The following ZNF678 variants were observed in gnomAD, a reference collection of about 807,000 sequenced individuals.
ZNF678 encodes zinc finger protein 678, also known as hypothetical protein MGC42493.
ZNF678 carries 5 observed loss-of-function variants against 3.0 expected under a neutral mutation model. The ratio of observed to expected loss-of-function variants is 1.69; its 90% CI spans 0.88 to 3.56. The LOEUF is 3.56. Ranked by LOEUF, ZNF678 falls within the 30% of genes most tolerant of loss-of-function variation. The pLI is 0.00. For missense variants in ZNF678, 593 were observed against 605.0 expected, an observed-to-expected ratio of 0.98 and a Z score of 0.21; for synonymous variants, 218 against 199.6, an observed-to-expected ratio of 1.09 and a Z score of -0.78.
At chr1:227,648,344 G>C (rs954781742) in intron 2 of ZNF678, among the ~76,000 whole-genome samples, 9 of 152,050 alleles carry the variant, frequency 5.9e-5, no homozygotes, top group Non-Finnish European at 1.2e-4. Flanking sequence ...ATTTGTGTGT[G>C]TAACAACTCT....
chr1:227,621,870 A>T (rs77433930), intron 1 of ZNF678, among the ~76,000 whole-genome samples: 2,293 of 152,296 alleles, frequency 0.015, 57 homozygotes, highest in African/African-American at 0.052. Context: ...CACCATCAAC[A>T]TTAATTAAAA....
At chr1:227,592,200 T>A (rs746324827) in intron 1 of ZNF678, among the ~76,000 whole-genome samples, 15 of 152,208 alleles carry the variant, frequency 9.9e-5, no homozygotes, top group Non-Finnish European at 2.1e-4. Context: ...TATGCGGGGA[T>A]TTTCACAGAG....
chr1:227,678,190 T>TG (rs1345010295), downstream of ZNF678, among the ~76,000 whole-genome samples: 1 of 152,152 alleles, frequency 6.6e-6, no homozygotes, highest in African/African-American at 2.4e-5. Context: ...TATAAACGCC[T>TG]GGGTCGAATT....
At chr1:227,625,710 T>C (rs539455718) in intron 1 of ZNF678, among the ~76,000 whole-genome samples, 30 of 152,112 alleles carry the variant, frequency 2.0e-4, no homozygotes, top group African/African-American at 6.7e-4. Flanking sequence ...TCATGTAGTT[T>C]TGAGAGGTCT....
intron 1 of ZNF678, among the ~76,000 whole-genome samples, chr1:227,606,552 A>T (rs1488205371): frequency 6.6e-6 from 1 of 152,196 alleles, no homozygotes; most frequent in East Asian, 1.9e-4. Flanking sequence ...CTCTTATTTC[A>T]GCCGCAAAGA....
At chr1:227,609,607 A>T (rs1165119450) in intron 1 of ZNF678, among the ~76,000 whole-genome samples, 1 of 152,234 alleles carries the variant, frequency 6.6e-6, no homozygotes, top group East Asian at 1.9e-4. Context: ...CGATTCAATA[A>T]CTACATTAAA....
chr1:227,640,424 A>C (rs1658791039), intron 1 of ZNF678, among the ~76,000 whole-genome samples: 1 of 151,916 alleles, frequency 6.6e-6, no homozygotes, highest in Non-Finnish European at 1.5e-5. Context: ...CTAATGAGGA[A>C]AAAGAGGTAG....
At chr1:227,628,179 A>G (rs1223140637) in intron 1 of ZNF678, among the ~76,000 whole-genome samples, 9 of 152,346 alleles carry the variant, frequency 5.9e-5, no homozygotes, top group African/African-American at 1.9e-4. Context: ...TGCTGCCACT[A>G]CCTGTAAACA....
At chr1:227,613,498 G>A (rs181530075) in intron 1 of ZNF678, among the ~76,000 whole-genome samples, 169 of 152,294 alleles carry the variant, frequency 1.1e-3, no homozygotes, top group African/African-American at 3.8e-3. Flanking sequence ...ATTTCACCTC[G>A]AGATGTGGCA....
chr1:227,594,385 T>C (rs1472540196), intron 1 of ZNF678, among the ~76,000 whole-genome samples: 1 of 152,210 alleles, frequency 6.6e-6, no homozygotes, highest in Admixed American at 6.5e-5. Context: ...TATGGACTCT[T>C]TTTAACCTTT....
At chr1:227,607,362 A>C (rs1230145974) in intron 1 of ZNF678, among the ~76,000 whole-genome samples, 1 of 152,188 alleles carries the variant, frequency 6.6e-6, no homozygotes, top group African/African-American at 2.4e-5. Context: ...ACAACTTCAT[A>C]CCTACCACTC....
At chr1:227,631,140 C>T (rs1658538802) in intron 1 of ZNF678, among the ~76,000 whole-genome samples, 1 of 152,040 alleles carries the variant, frequency 6.6e-6, no homozygotes, top group South Asian at 2.1e-4. Flanking sequence ...GGAACGTTTC[C>T]CATCTGAAAA....
chr1:227,662,985 A>G (rs1659441058), downstream of ZNF678, among the ~76,000 whole-genome samples: 1 of 152,194 alleles, frequency 6.6e-6, no homozygotes, highest in Admixed American at 6.6e-5. Flanking sequence ...TTATAGAGGT[A>G]ATTAAGGTTA....
intron 1 of ZNF678, chr1:227,598,542 T>A: frequency 9.1e-7 from 1 of 1,096,126 alleles, no homozygotes; most frequent in Non-Finnish European, 1.3e-6. Context: ...ACTGCTTTTC[T>A]TCTTTTTTGC....
chr1:227,654,260 T>A, intron 3 of ZNF678, 76 bp from the exon 4 acceptor site: 1 of 1,122,794 alleles, frequency 8.9e-7, no homozygotes, highest in Non-Finnish European at 1.2e-6. Flanking sequence ...CTGATATAAT[T>A]ATATTTATTA....
chr1:227,673,926 T>G (rs1369825678), intron 5 of ZNF678, among the ~76,000 whole-genome samples: 5 of 152,208 alleles, frequency 3.3e-5, no homozygotes, highest in Admixed American at 3.3e-4. Context: ...AACTTACATT[T>G]TTAAAACACA....
intron 1 of ZNF678, among the ~76,000 whole-genome samples, chr1:227,603,091 C>T (rs1044707239): frequency 6.6e-6 from 1 of 152,184 alleles, no homozygotes; most frequent in South Asian, 2.1e-4. Flanking sequence ...TGCCGGGTTC[C>T]CTCTTGCAGG....
At chr1:227,676,258 C>T (rs575348088) in intron 5 of ZNF678, among the ~76,000 whole-genome samples, 25 of 152,068 alleles carry the variant, frequency 1.6e-4, no homozygotes, top group Admixed American at 1.1e-3. Flanking sequence ...CAGAGTACCT[C>T]GAAGAAGCAA....
intron 1 of ZNF678, among the ~76,000 whole-genome samples, chr1:227,642,456 A>T (rs969869862): frequency 2.0e-5 from 3 of 152,190 alleles, no homozygotes; most frequent in Non-Finnish European, 4.4e-5. Flanking sequence ...GCCCAGAGTC[A>T]TGACCACAAC....
Sources: allele counts gnomAD v4.1 joint callset (sites outside exome capture counted in the v4.1 genomes callset), GRCh38; gene constraint gnomAD v4.1.1; transcripts MANE v1.5; gene names NCBI Gene and HGNC (gene_info 2026-07-23, HGNC 2026-07-21).